The following ESRRB variants were observed in gnomAD, a reference collection of about 807,000 sequenced individuals.
The protein encoded by ESRRB is estrogen related receptor beta.
Under a neutral mutation model 46.0 loss-of-function variants are expected in ESRRB, and 16 were observed. That is an observed-to-expected ratio of 0.35 (90% CI 0.24 to 0.53). ESRRB has a LOEUF of 0.53. ESRRB is among the 20% of genes least tolerant of loss of function. ESRRB has a pLI of 0.93. For synonymous variants in ESRRB, 246 were observed against 259.6 expected, an observed-to-expected ratio of 0.95 and a Z score of 0.50; for missense variants, 488 against 607.4, an observed-to-expected ratio of 0.80 and a Z score of 2.07.
chr14:76,325,967 C>T (rs759566101), intron 1 of ESRRB, among the ~76,000 whole-genome samples: 8 of 152,234 alleles, frequency 5.3e-5, no homozygotes, highest in Non-Finnish European at 8.8e-5. Context: ...CCCTATGCCA[C>T]ATCACATTTT....
chr14:76,456,110 G>A (rs55950575), intron 2 of ESRRB, among the ~76,000 whole-genome samples: 35,179 of 151,146 alleles, frequency 0.23, 4,688 homozygotes, highest in African/African-American at 0.37. Context: ...TGTCCATCAG[G>A]ATTTGGACAC....
chr14:76,344,358 G>C (rs181297596), intron 1 of ESRRB, among the ~76,000 whole-genome samples: 2 of 152,170 alleles, frequency 1.3e-5, no homozygotes, highest in Admixed American at 1.3e-4. Context: ...GTGAGATCCT[G>C]GTGCACCCAT....
rs532253216 is a variant in ESRRB, at chr14:76,468,394, C to G, written c.577+5733C>G. ...ACTTTACATTCTACACACACTGCCC[C>G]CCCCCCAACACCACCACCCCCCAAA... On this transcript the variant is annotated intron_variant, in intron 3 of 6. Coordinates refer to ENST00000644823, the MANE Select transcript of ESRRB (RefSeq NM_001379180.1). 7.7e-3 allele frequency among the ~76,000 whole-genome samples: 886 copies of G among 114,930 alleles called. 10 individuals are homozygous for G. The highest frequency in any genetic ancestry group is 0.029 in the African/African-American group (828 of 28,848). 75.4% of individuals were successfully genotyped at this position (114,930 alleles called of 152,430 possible).
rs530864413 is a variant in ESRRB at position 76,438,909 on chromosome 14, T to A, written c.51-432T>A. Among the ~76,000 whole-genome samples the A allele has an allele frequency of 2.9e-3, 439 of 151,812 alleles. 2 individuals are homozygous for A. The highest frequency in any genetic ancestry group is 0.024 in the Middle Eastern group (7 of 292). On this transcript the variant is annotated intron_variant, in intron 1 of 6. Transcript: ENST00000644823. Reference sequence around the variant, plus strand: ...TTAAACTCCTGGGCTCAAGCAATCCTCCCTCCTCAGCTCCTGAGTAGCTGG... The same window carrying A: ...TTAAACTCCTGGGCTCAAGCAATCCACCCTCCTCAGCTCCTGAGTAGCTGG...
chr14:76,410,805 A>C (rs1370979548), intron 1 of ESRRB, among the ~76,000 whole-genome samples: 1 of 151,148 alleles, frequency 6.6e-6, no homozygotes, highest in Non-Finnish European at 1.5e-5. Flanking sequence ...ATTTTTTGAG[A>C]CAGAGTCTCT....
chr14:76,333,615 A>C (rs981021250), intron 1 of ESRRB, among the ~76,000 whole-genome samples: 1 of 150,066 alleles, frequency 6.7e-6, no homozygotes, highest in Non-Finnish European at 1.5e-5. Context: ...GGCATGAGCC[A>C]CTGTACTAGG....
chr14:76,312,501 C>T (rs529747510), intron 1 of ESRRB, among the ~76,000 whole-genome samples: 99 of 150,724 alleles, frequency 6.6e-4, no homozygotes, highest in Non-Finnish European at 1.2e-3. Flanking sequence ...CCAGTAAGAC[C>T]GCATTCAGTA....
intron 2 of ESRRB, among the ~76,000 whole-genome samples, chr14:76,446,757 A>G (rs1407414494): frequency 6.6e-6 from 1 of 152,136 alleles, no homozygotes; most frequent in African/African-American, 2.4e-5. Flanking sequence ...AGGCAGACAG[A>G]TCAATTTCTC....
intron 2 of ESRRB, among the ~76,000 whole-genome samples, chr14:76,460,317 G>A (rs1175360004): frequency 1.3e-5 from 2 of 152,208 alleles, no homozygotes; most frequent in Non-Finnish European, 2.9e-5. Context: ...GGTGGGACAG[G>A]AGATCTGTGT....
intron 2 of ESRRB, among the ~76,000 whole-genome samples, chr14:76,452,488 G>A (rs1039257248): frequency 6.6e-6 from 1 of 151,542 alleles, no homozygotes. Context: ...TTAGCCAGGC[G>A]TGGTGGCTAT....
At chr14:76,360,168 G>C (rs1884445782) in intron 1 of ESRRB, among the ~76,000 whole-genome samples, 1 of 152,102 alleles carries the variant, frequency 6.6e-6, no homozygotes, top group African/African-American at 2.4e-5. Context: ...GTGCCCTGCT[G>C]GCTGACTGTG....
chr14:76,373,354 CCT>C (rs1202423235), upstream of ESRRB, among the ~76,000 whole-genome samples: 7 of 152,014 alleles, frequency 4.6e-5, no homozygotes, highest in Admixed American at 1.3e-4. Flanking sequence ...CCCTGTACAG[CCT>C]CTGTTTTCTG....
At chr14:76,330,213 G>A (rs185396807) in intron 1 of ESRRB, among the ~76,000 whole-genome samples, 1 of 152,168 alleles carries the variant, frequency 6.6e-6, no homozygotes, top group African/African-American at 2.4e-5. Context: ...ACCCTCTGGG[G>A]CCCAAGGGGC....
intron 2 of ESRRB, among the ~76,000 whole-genome samples, chr14:76,453,511 A>G (rs549172622): frequency 6.6e-6 from 1 of 152,264 alleles, no homozygotes; most frequent in South Asian, 2.1e-4. Flanking sequence ...TGTTTTAGCA[A>G]TATTTTAACC....
intron 1 of ESRRB, among the ~76,000 whole-genome samples, chr14:76,404,956 T>G (rs1451088086): frequency 1.3e-5 from 2 of 152,122 alleles, no homozygotes; most frequent in Non-Finnish European, 2.9e-5. Flanking sequence ...CCCAGCTGGA[T>G]GTTGACATTC....
At chr14:76,333,144 ATATATT>A (rs1884071586) in intron 1 of ESRRB, among the ~76,000 whole-genome samples, 3 of 8,416 alleles carry the variant, frequency 3.6e-4, no homozygotes, top group Non-Finnish European at 7.6e-4. Context: ...ATTATATATT[ATATATT>A]ATATATAATA....
chr14:76,405,119 T>C (rs931741719), intron 1 of ESRRB, among the ~76,000 whole-genome samples: 1 of 152,162 alleles, frequency 6.6e-6, no homozygotes, highest in African/African-American at 2.4e-5. Flanking sequence ...GATTGTTTTT[T>C]AGATAGGGCC....
At chr14:76,386,300 G>A (rs1885224881) in intron 1 of ESRRB, among the ~76,000 whole-genome samples, 1 of 152,028 alleles carries the variant, frequency 6.6e-6, no homozygotes, top group African/African-American at 2.4e-5. Context: ...ATCTTTTTTT[G>A]TATAAGTAAA....
intron 1 of ESRRB, among the ~76,000 whole-genome samples, chr14:76,402,741 C>T (rs150487849): frequency 0.016 from 2,396 of 152,200 alleles, 31 homozygotes; most frequent in Admixed American, 0.025. Flanking sequence ...GCTATGTTGC[C>T]CAGGCTGGCC....
Sources: gnomAD v4.1 joint callset for allele counts (sites outside exome capture counted in the v4.1 genomes callset) on GRCh38, gnomAD v4.1.1 for gene constraint, MANE v1.5 for transcripts, NCBI Gene and HGNC (gene_info 2026-07-23, HGNC 2026-07-21) for gene names.